The following ATP8A2 variants were observed in gnomAD, a reference collection of about 807,000 sequenced individuals.
The protein encoded by ATP8A2 is phospholipid-transporting ATPase IB.
ATP8A2 carries 100 observed loss-of-function variants against 165.6 expected under a neutral mutation model. That is an observed-to-expected ratio of 0.60 (90% CI 0.51 to 0.71). The LOEUF is 0.71. Among genes scored for constraint, ATP8A2 ranks in the 30% least tolerant of loss-of-function variants. The pLI, the probability that ATP8A2 is intolerant of heterozygous loss-of-function variation, is 0.00. For synonymous variants in ATP8A2, 543 were observed against 548.8 expected (o/e 0.99, Z 0.15); for missense variants, 1,227 against 1,479.5 (o/e 0.83, Z 2.80).
chr13:25,596,148 C>T lies in ATP8A2; in HGVS notation c.2211+6449C>T, dbSNP rs558322432. 7.2e-5 allele frequency among the ~76,000 whole-genome samples: 11 copies of T among 152,302 alleles called. No individual in the cohort carries two copies. In the South Asian group the frequency reaches 1.7e-3, roughly 23 times the overall value. On this transcript the variant is annotated intron_variant, in intron 24 of 36. Transcript: ENST00000381655. ...TTTGCAATTTTCATTCTTTAAGCTT[C>T]CCAGTGCAGTGAGAAGTGGCTGACC...
At chr13:25,772,700 ATTTCT>A (rs1247973366) in intron 26 of ATP8A2, among the ~76,000 whole-genome samples, 4 of 151,482 alleles carry the variant, frequency 2.6e-5, no homozygotes, top group Admixed American at 1.3e-4. Context: ...CAGTCTGGTC[ATTTCT>A]TTTCTATTGA....
chr13:25,461,731 T>C (rs2035506912), intron 1 of ATP8A2, among the ~76,000 whole-genome samples: 1 of 152,156 alleles, frequency 6.6e-6, no homozygotes, highest in South Asian at 2.1e-4. Flanking sequence ...TGGGATATAA[T>C]CAGGTTGTGA....
chr13:25,832,735 G>A (rs998217134), intron 28 of ATP8A2, among the ~76,000 whole-genome samples: 2 of 152,272 alleles, frequency 1.3e-5, no homozygotes, highest in South Asian at 4.1e-4. Context: ...CCAGTAGCAT[G>A]CTGCCCAAAA....
intron 2 of ATP8A2, among the ~76,000 whole-genome samples, chr13:25,494,587 C>T (rs2137661244): frequency 1.3e-5 from 2 of 152,278 alleles, no homozygotes; most frequent in Admixed American, 1.3e-4. Flanking sequence ...TTATGAGGGG[C>T]AGGCTCTGTG....
At chr13:25,549,641 C>T (rs534077977) in intron 10 of ATP8A2, among the ~76,000 whole-genome samples, 4 of 152,018 alleles carry the variant, frequency 2.6e-5, no homozygotes, top group South Asian at 4.2e-4. Flanking sequence ...TGTCTCCTTC[C>T]CCAACCTGCT....
intron 33 of ATP8A2, among the ~76,000 whole-genome samples, chr13:25,885,223 T>C (rs1320617292): frequency 2.0e-5 from 3 of 150,622 alleles, no homozygotes; most frequent in African/African-American, 4.9e-5. Flanking sequence ...AGCAATTCTC[T>C]TGCCTCAGTA....
chr13:25,739,182 G>C (rs1252412595), intron 25 of ATP8A2, among the ~76,000 whole-genome samples: 1 of 152,238 alleles, frequency 6.6e-6, no homozygotes, highest in Non-Finnish European at 1.5e-5. Flanking sequence ...GCCTGAACTG[G>C]AGTGTCAGCC....
At chr13:25,503,472 T>A (rs1251385114) in intron 2 of ATP8A2, among the ~76,000 whole-genome samples, 1 of 152,108 alleles carries the variant, frequency 6.6e-6, no homozygotes, top group African/African-American at 2.4e-5. Flanking sequence ...GCGTTCTAGG[T>A]GAGACGCTTG....
chr13:25,721,891 A>G (rs2043389870), intron 25 of ATP8A2, among the ~76,000 whole-genome samples: 1 of 152,218 alleles, frequency 6.6e-6, no homozygotes, highest in Admixed American at 6.5e-5. Flanking sequence ...TATGATAAAT[A>G]ATGCTGCTAT....
chr13:25,512,970 C>T (rs1227350209), intron 2 of ATP8A2, among the ~76,000 whole-genome samples: 3 of 136,812 alleles, frequency 2.2e-5, no homozygotes, highest in Non-Finnish European at 5.0e-5. Context: ...CTGACCCCCC[C>T]ACCTCCCTCC....
chr13:25,815,393 A>G (rs1207165833), intron 27 of ATP8A2, among the ~76,000 whole-genome samples: 1 of 152,222 alleles, frequency 6.6e-6, no homozygotes, highest in Non-Finnish European at 1.5e-5. Flanking sequence ...TTGAGTAGAC[A>G]TTTCTCCAAA....
chr13:25,452,257 G>A (rs543791457), intron 1 of ATP8A2, among the ~76,000 whole-genome samples: 3 of 152,140 alleles, frequency 2.0e-5, no homozygotes, highest in Non-Finnish European at 2.9e-5. Flanking sequence ...ATGGAAAAAC[G>A]GGTGACCACC....
At chr13:25,428,562 C>T (rs1331806375) in intron 1 of ATP8A2, among the ~76,000 whole-genome samples, 1 of 152,146 alleles carries the variant, frequency 6.6e-6, no homozygotes, top group East Asian at 1.9e-4. Flanking sequence ...AACACCGTCT[C>T]ACCCTCCCTG....
chr13:26,003,198 CTT>C (rs539506943), intron 35 of ATP8A2, among the ~76,000 whole-genome samples: 7 of 139,682 alleles, frequency 5.0e-5, no homozygotes, highest in African/African-American at 5.3e-5. Context: ...TGTTAGCTTT[CTT>C]TTTTTTTTTT....
chr13:25,553,475 C>A (rs1009561946), intron 11 of ATP8A2, among the ~76,000 whole-genome samples: 1 of 152,190 alleles, frequency 6.6e-6, no homozygotes, highest in African/African-American at 2.4e-5. Context: ...TACATTCTTT[C>A]AAGTTTGCTT....
chr13:25,497,133 C>T (rs1185116465), intron 2 of ATP8A2, among the ~76,000 whole-genome samples: 1 of 152,142 alleles, frequency 6.6e-6, no homozygotes, highest in African/African-American at 2.4e-5. Context: ...GTATCATGAT[C>T]AACACAGGTT....
intron 1 of ATP8A2, among the ~76,000 whole-genome samples, chr13:25,428,344 C>T (rs536774303): frequency 6.6e-6 from 1 of 152,286 alleles, no homozygotes; most frequent in South Asian, 2.1e-4. Flanking sequence ...ACCACACCGA[C>T]CACTACTTCT....
At chr13:25,644,977 A>G (rs994578387) in intron 24 of ATP8A2, among the ~76,000 whole-genome samples, 7 of 151,996 alleles carry the variant, frequency 4.6e-5, no homozygotes, top group Non-Finnish European at 8.8e-5. Context: ...AGGTTTGTCA[A>G]TTTTGTTTGT....
At chr13:26,006,571 CAT>C (rs1231049676) in intron 35 of ATP8A2, among the ~76,000 whole-genome samples, 2 of 151,982 alleles carry the variant, frequency 1.3e-5, no homozygotes, top group African/African-American at 2.4e-5. Flanking sequence ...TGAAAGTTGG[CAT>C]CCTTGTCTTC....
Sources: gnomAD v4.1 joint callset for allele counts (sites outside exome capture counted in the v4.1 genomes callset) on GRCh38, gnomAD v4.1.1 for gene constraint, MANE v1.5 for transcripts, NCBI Gene and HGNC (gene_info 2026-07-23, HGNC 2026-07-21) for gene names.